MINDY1: variants seen among roughly 807,000 people sequenced by gnomAD.
The protein encoded by MINDY1 is MINDY lysine 48 deubiquitinase 1.
Under a neutral mutation model 53.6 loss-of-function variants are expected in MINDY1, and 50 were observed. The ratio of observed to expected loss-of-function variants is 0.93; its 90% confidence interval spans 0.74 to 1.18. MINDY1 has a LOEUF of 1.18. MINDY1 is among the 50% of genes most tolerant of loss of function. The probability of loss-of-function intolerance (pLI) is 0.00; values close to 1 mark genes in which losing one functional copy is unlikely to be tolerated. For missense variants in MINDY1, 484 were observed against 578.6 expected, an observed-to-expected ratio of 0.84 and a Z score of 1.68; for synonymous variants, 231 against 234.7, an observed-to-expected ratio of 0.98 and a Z score of 0.14.
Position 150,998,286 on chromosome 1 carries a change from G to T in MINDY1, c.982-13C>A, listed in dbSNP as rs756754310. The T allele has an allele frequency of 1.0e-5, 16 of 1,601,876 alleles. No homozygotes were observed. Among genetic ancestry groups the T allele is most frequent in the East Asian group, 6.7e-5 (3 of 44,676 alleles). Reference sequence around the variant, plus strand: ...GGTATAAGTGACTCTACAAAGAAAAGAACAGAGCTCATTGGGGGGACAGTT... The same window carrying T: ...GGTATAAGTGACTCTACAAAGAAAATAACAGAGCTCATTGGGGGGACAGTT... On this transcript the variant is annotated splice_polypyrimidine_tract_variant and intron_variant, in intron 7 of 9. Coordinates refer to ENST00000683666, the MANE Select transcript of MINDY1 (RefSeq NM_001376665.1).
Position 151,002,540 on chromosome 1 carries a change from C to A in MINDY1, c.78G>T (p.Glu26Asp). 6.2e-7 allele frequency: 1 copy of A among 1,614,200 alleles called. No individual in the cohort carries two copies. The highest frequency in any genetic ancestry group is 8.5e-7 in the Non-Finnish European group (1 of 1,180,038). ...GGTGCTCATCTGGGCCTGCCAGAAC[C>A]TCATGGTTTTCAGGGATGACTGCTT... is the stretch of plus-strand genomic sequence containing the variant. ...TAEAVIPENH[E>D]VLAGPDEHPQ... The change falls in exon 2 of 10, where the codon GAG (glutamate) becomes GAT (aspartate). Residue 26 changes from glutamate (E) to aspartate (D), a missense_variant. By Grantham distance (45) the Glu-to-Asp change is conservative. Coordinates refer to ENST00000683666, the MANE Select transcript of MINDY1 (RefSeq NM_001376665.1). This position sits in a 1 kb window ranked among gnomAD's most constrained non-coding sequence, Gnocchi z 4.1.
At chr1:151,008,132 AG>A (rs1347920933), upstream of MINDY1, 1 of 638,994 alleles carries the variant, frequency 1.6e-6, no homozygotes, top group African/African-American at 2.0e-5. Flanking sequence ...TGTTTTGCCA[AG>A]TGTCATTTAA....
chr1:150,999,983 G>T lies in MINDY1; in HGVS notation c.736-19C>A. The T allele has an allele frequency of 6.3e-7, 1 of 1,585,224 alleles. No individual in the cohort carries two copies. Among genetic ancestry groups the T allele is most frequent in the Non-Finnish European group, 8.6e-7 (1 of 1,159,034 alleles). ...CAGGACTCTGCTTGGGTAGTGGGAT[G>T]TGGGATACCAAAAAAATTGGGATTT... On this transcript the variant is annotated intron_variant, in intron 5 of 9. Transcript: ENST00000683666. This position sits in a 1 kb window ranked among gnomAD's most constrained non-coding sequence, Gnocchi z 4.4.
At chr1:151,006,077 A>G in intron 1 of MINDY1, 1 of 1,551,354 alleles carries the variant, frequency 6.4e-7, no homozygotes, top group Non-Finnish European at 8.7e-7. Flanking sequence ...AACCATGGCC[A>G]CAGTGCCCTG....
intron 1 of MINDY1, 134 bp downstream of exon 1, chr1:151,006,178 C>T (rs778697087): frequency 1.3e-6 from 2 of 1,551,312 alleles, no homozygotes; most frequent in Non-Finnish European, 8.7e-7. Context: ...TCTCTCCTGA[C>T]TTAGCTCCTC....
intron 1 of MINDY1, among the ~76,000 whole-genome samples, chr1:151,003,700 G>A (rs1672817086): frequency 6.6e-6 from 1 of 151,190 alleles, no homozygotes; most frequent in Non-Finnish European, 1.5e-5. Context: ...CATGAGCCAC[G>A]GTGCCTGGAC....
Position 150,999,977 on chromosome 1 carries a change from T to C in MINDY1, c.736-13A>G, listed in dbSNP as rs1672353299. 1.9e-6 allele frequency: 3 copies of C among 1,588,868 alleles called. No homozygotes were observed. In the African/African-American group the frequency reaches 4.1e-5, roughly 22 times the overall value. On this transcript the variant is annotated splice_polypyrimidine_tract_variant and intron_variant, in intron 5 of 9. Transcript: ENST00000683666. The surrounding 1 kb of genome is among the most constrained non-coding windows in gnomAD (Gnocchi z 4.4). ...CAGCCTCAGGACTCTGCTTGGGTAG[T>C]GGGATGTGGGATACCAAAAAAATTG...
intron 1 of MINDY1, among the ~76,000 whole-genome samples, chr1:151,003,211 G>T (rs770456426): frequency 3.3e-5 from 5 of 152,106 alleles, no homozygotes; most frequent in Non-Finnish European, 7.4e-5. Flanking sequence ...AATACACAGT[G>T]CTTGTATGTT....
chr1:150,997,983 G>T (rs1186988390), intron 8 of MINDY1, 99 bp downstream of exon 8: 1 of 1,329,938 alleles, frequency 7.5e-7, no homozygotes, highest in South Asian at 1.4e-5. Context: ...CAGAGAGAGA[G>T]GCATGGGTTC....
chr1:150,998,210 T>G lies in MINDY1; in HGVS notation c.1045A>C (p.Ser349Arg), dbSNP rs1193219813. ...FLQEEQVVWESLHNVDGDSCF... is the reference protein window; with the variant it reads ...FLQEEQVVWERLHNVDGDSCF... ...CTGTCTCCATCCACATTGTGCAGGC[T>G]CTCCCATACGACTTGCTCCTCCTGT... Residue 349 changes from serine to arginine, a missense_variant, in exon 8 of 10, where the codon AGC (serine) becomes CGC (arginine). Coordinates refer to ENST00000683666, the MANE Select transcript of MINDY1 (RefSeq NM_001376665.1). 6.2e-7 allele frequency: 1 copy of G among 1,614,132 alleles called. No homozygotes were observed. The highest frequency in any genetic ancestry group is 1.7e-5 in the Admixed American group (1 of 60,002).
At chr1:151,000,093 T>C (rs1672373222) in intron 5 of MINDY1, 129 bp from the exon 6 acceptor site, 1 of 667,736 alleles carries the variant, frequency 1.5e-6, no homozygotes, top group Admixed American at 3.2e-5. Flanking sequence ...CTTTTTTTTT[T>C]TGGTCTCTCA....
chr1:150,998,379 G>C, intron 7 of MINDY1, 106 bp from the exon 8 acceptor site: 1 of 1,032,494 alleles, frequency 9.7e-7, no homozygotes, highest in Non-Finnish European at 1.4e-6. Context: ...CTTGGAGATG[G>C]AGTCTCGCTC....
intron 9 of MINDY1, 103 bp downstream of exon 9, chr1:150,997,521 G>A (rs1671966038): frequency 6.3e-7 from 1 of 1,584,180 alleles, no homozygotes; most frequent in African/African-American, 1.3e-5. Context: ...AGGACTCTGA[G>A]AGAAGAAACC....
chr1:151,008,096 G>A (rs2102882481), upstream of MINDY1, among the ~76,000 whole-genome samples: 1 of 152,254 alleles, frequency 6.6e-6, no homozygotes, highest in African/African-American at 2.4e-5. Flanking sequence ...TTGGTAAAGG[G>A]CAGAATTTGT....
In MINDY1 at chr1:151,006,826, A is replaced by T; in HGVS notation, c.-604T>A. The T allele has an allele frequency of 1.0e-6, 1 of 985,524 alleles. No individual in the cohort carries two copies. Among genetic ancestry groups the T allele is most frequent in the Non-Finnish European group, 1.2e-6 (1 of 830,004 alleles). The allele number at this position is 985,524 out of a possible 1,614,324, so 61.0% of individuals were successfully genotyped here. ...TGTGATCAGCAGAGAGGGAGCGAGA[A>T]ACAGGAGAGAAAAACAACAGACCCT... On this transcript the variant is annotated 5_prime_UTR_variant, in exon 1 of 10. Coordinates refer to ENST00000683666, the MANE Select transcript of MINDY1 (RefSeq NM_001376665.1).
At chr1:151,000,763 C>G (rs78915130) in intron 4 of MINDY1, 148 bp from the exon 5 acceptor site, 28,221 of 828,948 alleles carry the variant, frequency 0.034, 643 homozygotes, top group Non-Finnish European at 0.042. Flanking sequence ...CAACCCTTCT[C>G]TATCTTATAT....
chr1:151,000,963 G>T (rs1315242475), intron 4 of MINDY1, among the ~76,000 whole-genome samples: 1 of 151,796 alleles, frequency 6.6e-6, no homozygotes, highest in Admixed American at 6.6e-5. Context: ...AAAAAAAAAT[G>T]GTTTTTTTTA....
chr1:151,008,148 T>A, upstream of MINDY1: 1 of 777,452 alleles, frequency 1.3e-6, no homozygotes, highest in Non-Finnish European at 1.6e-6. Flanking sequence ...ATTTAAAATG[T>A]CACCAGATGC....
At position 150,999,606 on chromosome 1, in the gene MINDY1, G is replaced by T; in HGVS notation, c.839-95C>A. ...GAGAGCCCCTGTCAAAAGCCCCGGGGGGTCAGTCCCACCTTCTGACGTCCC... is the reference window on the plus strand; with the variant it reads ...GAGAGCCCCTGTCAAAAGCCCCGGGTGGTCAGTCCCACCTTCTGACGTCCC... On this transcript the variant is annotated intron_variant, in intron 6 of 9. Coordinates refer to ENST00000683666, the MANE Select transcript of MINDY1 (RefSeq NM_001376665.1). This position sits in a 1 kb window ranked among gnomAD's most constrained non-coding sequence, Gnocchi z 4.4. 1 of 1,517,324 alleles carries T rather than the reference G, an allele frequency of 6.6e-7. No individual in the cohort carries two copies. The highest frequency in any genetic ancestry group is 2.3e-5 in the East Asian group (1 of 44,208). 94.0% of individuals were successfully genotyped at this position (1,517,324 alleles called of 1,614,324 possible). A position where few individuals can be genotyped will look rare whatever the true frequency, so the allele number is the denominator to read the frequency against.
Sources: gnomAD v4.1 joint callset for allele counts (sites outside exome capture counted in the v4.1 genomes callset) on GRCh38, gnomAD v4.1.1 for gene constraint, Gnocchi (gnomAD v3.1) non-coding constraint, MANE v1.5 for transcripts, NCBI Gene and HGNC (gene_info 2026-07-23, HGNC 2026-07-21) for gene names.